Variants in TRIP4 observed in about 807,000 individuals in gnomAD.
TRIP4 encodes thyroid hormone receptor interactor 4.
TRIP4 carries 54 observed loss-of-function variants against 81.8 expected under a neutral mutation model. The ratio of observed to expected loss-of-function variants is 0.66; its 90% CI spans 0.53 to 0.83. The LOEUF (loss-of-function observed/expected upper bound fraction) is 0.83. TRIP4 is among the 40% of genes least tolerant of loss of function. The pLI is 0.00. For missense variants in TRIP4, 662 were observed against 683.6 expected, an observed-to-expected ratio of 0.97 and a Z score of 0.35; for synonymous variants, 270 against 242.8, an observed-to-expected ratio of 1.11 and a Z score of -1.04.
intron 11 of TRIP4, among the ~76,000 whole-genome samples, chr15:64,440,625 T>C (rs1892496468): frequency 6.6e-6 from 1 of 152,224 alleles, no homozygotes; most frequent in Non-Finnish European, 1.5e-5. Context: ...AGTTCAGTGC[T>C]AGTAGTAGGA....
At chr15:64,391,073 G>A (rs1194112286) in intron 1 of TRIP4, among the ~76,000 whole-genome samples, 2 of 152,084 alleles carry the variant, frequency 1.3e-5, no homozygotes, top group East Asian at 3.8e-4. Flanking sequence ...GAATTACCCA[G>A]GTGTATGTAC....
intron 6 of TRIP4, among the ~76,000 whole-genome samples, chr15:64,408,370 C>T (rs932684254): frequency 6.6e-5 from 10 of 151,166 alleles, no homozygotes; most frequent in African/African-American, 2.2e-4. Flanking sequence ...GCCATTCTCC[C>T]GCCTCAGCCT....
chr15:64,455,123 A>C lies in TRIP4; in HGVS notation c.*59A>C, dbSNP rs371439690. ...GTTTTGTGTACTAAAATTGCTATCT[A>C]CTGGTCCTTTGGAATTGAAGTAGTA... is the stretch of plus-strand genomic sequence containing the variant. On this transcript the variant is annotated 3_prime_UTR_variant, in exon 13 of 13. Coordinates refer to ENST00000261884, the MANE Select transcript of TRIP4 (RefSeq NM_016213.5). The C allele has an allele frequency of 1.3e-6, 2 of 1,509,440 alleles. No homozygotes were observed. Among genetic ancestry groups the C allele is most frequent in the African/African-American group, 1.4e-5 (1 of 72,426 alleles). The allele number at this position is 1,509,440 out of a possible 1,614,324, so 93.5% of individuals were successfully genotyped here. A position where few individuals can be genotyped will look rare whatever the true frequency, so the allele number is the denominator to read the frequency against.
intron 5 of TRIP4, among the ~76,000 whole-genome samples, chr15:64,404,311 T>A (rs140915102): frequency 2.0e-4 from 30 of 152,230 alleles, no homozygotes; most frequent in Middle Eastern, 3.4e-3. Flanking sequence ...TTTATTATTT[T>A]TTATTTTTAT....
intron 7 of TRIP4, among the ~76,000 whole-genome samples, 196 bp downstream of exon 7, chr15:64,410,024 GTTTT>G (rs200868565): frequency 7.5e-6 from 1 of 133,864 alleles, no homozygotes; most frequent in Non-Finnish European, 1.6e-5. Context: ...TTGTGGTTTG[GTTTT>G]TTTTTTTTTT....
intron 1 of TRIP4, among the ~76,000 whole-genome samples, chr15:64,391,814 T>A (rs1446107686): frequency 1.4e-5 from 2 of 145,258 alleles, no homozygotes; most frequent in Non-Finnish European, 3.0e-5. Flanking sequence ...TACTAAAAAT[T>A]CAAAAAATTA....
intron 5 of TRIP4, among the ~76,000 whole-genome samples, chr15:64,404,932 C>G (rs901811472): frequency 1.3e-5 from 2 of 151,942 alleles, no homozygotes; most frequent in Non-Finnish European, 2.9e-5. Context: ...GTGATCCTCC[C>G]ACCTCAGCCT....
chr15:64,452,479 A>C (rs1488863672), intron 12 of TRIP4, among the ~76,000 whole-genome samples: 2 of 152,238 alleles, frequency 1.3e-5, no homozygotes, highest in Non-Finnish European at 2.9e-5. Flanking sequence ...CAAGCATTTT[A>C]GATAAGGAAT....
chr15:64,413,068 A>G lies in TRIP4; in HGVS notation c.1044-1017A>G, dbSNP rs918394621. Among the ~76,000 whole-genome samples the G allele has an allele frequency of 1.8e-4, 27 of 152,070 alleles. 1 individual carries two copies. The highest frequency in any genetic ancestry group is 2.6e-4 in the Admixed American group (4 of 15,250). Reference sequence around the variant, plus strand: ...ATAACTTCTGAGCCTTCAAGCAAAGATAGAATGCAGACTAGCAAGAAGGAG... The same window carrying G: ...ATAACTTCTGAGCCTTCAAGCAAAGGTAGAATGCAGACTAGCAAGAAGGAG... On this transcript the variant is annotated intron_variant, in intron 7 of 12. Coordinates refer to ENST00000261884, the MANE Select transcript of TRIP4 (RefSeq NM_016213.5).
At chr15:64,404,221 A>G (rs904979240) in intron 5 of TRIP4, among the ~76,000 whole-genome samples, 43 of 152,158 alleles carry the variant, frequency 2.8e-4, no homozygotes, top group Non-Finnish European at 5.1e-4. Context: ...ATCTATAGCA[A>G]TATTAGCATT....
chr15:64,431,762 A>T (rs984590167), intron 11 of TRIP4, among the ~76,000 whole-genome samples: 1 of 148,646 alleles, frequency 6.7e-6, no homozygotes, highest in African/African-American at 2.5e-5. Context: ...ATCAAAACAG[A>T]CTGTCTTTAG....
intron 9 of TRIP4, among the ~76,000 whole-genome samples, chr15:64,421,510 A>G (rs1222133715): frequency 2.0e-5 from 3 of 150,806 alleles, no homozygotes; most frequent in Non-Finnish European, 4.4e-5. Context: ...TAATTTTTGT[A>G]TTTTTAGAAG....
At chr15:64,406,493 A>C (rs768664355) in intron 6 of TRIP4, 34 bp downstream of exon 6, 1 of 1,604,994 alleles carries the variant, frequency 6.2e-7, no homozygotes, top group South Asian at 1.1e-5. Context: ...ATGCTAAGAA[A>C]TAAACTAGTC....
chr15:64,388,014 G>C (rs1900000345), intron 1 of TRIP4, 50 bp downstream of exon 1: 1 of 1,494,576 alleles, frequency 6.7e-7, no homozygotes, highest in Non-Finnish European at 9.0e-7. Flanking sequence ...GATGTGCACT[G>C]CCTGAGCGAA....
chr15:64,423,000 A>G (rs1423414482), intron 9 of TRIP4, among the ~76,000 whole-genome samples: 2 of 152,222 alleles, frequency 1.3e-5, no homozygotes, highest in African/African-American at 4.8e-5. Flanking sequence ...GGGATATATT[A>G]TCAAGGTACT....
At chr15:64,400,902 T>C (rs1891483883) in intron 5 of TRIP4, 81 bp downstream of exon 5, 1 of 1,162,738 alleles carries the variant, frequency 8.6e-7, no homozygotes. Context: ...TTCTGTATCC[T>C]GGAGTGCAAG....
At chr15:64,440,172 G>C (rs920821129) in intron 11 of TRIP4, among the ~76,000 whole-genome samples, 1 of 151,998 alleles carries the variant, frequency 6.6e-6, no homozygotes, top group African/African-American at 2.4e-5. Flanking sequence ...GGTCAAGGCT[G>C]TAGTGAGCTA....
chr15:64,446,381 C>T (rs112077128), intron 12 of TRIP4, among the ~76,000 whole-genome samples: 1 of 151,420 alleles, frequency 6.6e-6, no homozygotes, highest in Non-Finnish European at 1.5e-5. Flanking sequence ...AGCCTTGGCT[C>T]TCTTGCTTTT....
At chr15:64,389,510 A>G (rs894573897) in intron 1 of TRIP4, among the ~76,000 whole-genome samples, 30 of 152,004 alleles carry the variant, frequency 2.0e-4, no homozygotes, top group Admixed American at 1.9e-3. Flanking sequence ...GATTTTTTTT[A>G]ACACTAGAAT....
Sources: gnomAD v4.1 joint callset for allele counts (sites outside exome capture counted in the v4.1 genomes callset) on GRCh38, gnomAD v4.1.1 for gene constraint, MANE v1.5 for transcripts, NCBI Gene and HGNC (gene_info 2026-07-23, HGNC 2026-07-21) for gene names.